Variants in DEK observed in about 807,000 individuals in gnomAD.
The protein encoded by DEK is protein DEK.
A neutral mutation model predicts 46.8 loss-of-function variants in DEK; 28 were observed. The ratio of observed to expected loss-of-function variants is 0.60; its 90% CI spans 0.44 to 0.82. The LOEUF is 0.82. Among genes scored for constraint, DEK ranks in the 40% least tolerant of loss-of-function variants. DEK has a pLI of 0.00. For synonymous variants in DEK, 160 were observed against 144.5 expected, an observed-to-expected ratio of 1.11 and a Z score of -0.77; for missense variants, 416 against 430.6, an observed-to-expected ratio of 0.97 and a Z score of 0.30.
rs56704006 is a variant in DEK at position 18,259,394 on chromosome 6, C to CA, written c.146-990dup. 2.8e-3 allele frequency among the ~76,000 whole-genome samples: 117 copies of CA among 41,480 alleles called. 12 individuals carry two copies. Among genetic ancestry groups the CA allele is most frequent in the Non-Finnish European group, 4.4e-3 (85 of 19,172 alleles). The allele number at this position is 41,480 out of a possible 152,430, so 27.2% of individuals were successfully genotyped here. Reference sequence around the variant, plus strand: ...TGGGCGACACAGCAAGACTCCGTCTCAAAAAAAAAAAAAAAAAAAAAAAAA... The same window carrying CA: ...TGGGCGACACAGCAAGACTCCGTCTCAAAAAAAAAAAAAAAAAAAAAAAAAA... On this transcript the variant is annotated intron_variant, in intron 2 of 10. Transcript: ENST00000652689.
intron 7 of DEK, among the ~76,000 whole-genome samples, chr6:18,243,324 A>AT (rs5874630): frequency 0.29 from 44,038 of 149,742 alleles, 7,246 homozygotes; most frequent in African/African-American, 0.44. Context: ...GACGTGTCTC[A>AT]TTTTTTTTTT....
intron 9 of DEK, among the ~76,000 whole-genome samples, chr6:18,232,086 T>A (rs1231093815): frequency 3.9e-5 from 6 of 152,166 alleles, no homozygotes; most frequent in Admixed American, 3.3e-4. Context: ...ACGTAATCCA[T>A]CATATAAACA....
intron 9 of DEK, among the ~76,000 whole-genome samples, chr6:18,228,586 C>G (rs536410258): frequency 1.8e-4 from 28 of 152,312 alleles, no homozygotes; most frequent in South Asian, 4.1e-4. Context: ...ATCGCCTCAC[C>G]TGGGAAGCGC....
Position 18,256,352 on chromosome 6 carries a change from A to T in DEK, c.452+9T>A, listed in dbSNP as rs557087296. Reference sequence around the variant, plus strand: ...TGATCAAAATACAGTATTTATAAAAATAACTTACTTTTTCAACATTTCTTC... The same window carrying T: ...TGATCAAAATACAGTATTTATAAAATTAACTTACTTTTTCAACATTTCTTC... On this transcript the variant is annotated intron_variant, in intron 5 of 10. Transcript: ENST00000652689. 2.5e-6 allele frequency: 4 copies of T among 1,596,750 alleles called. No homozygotes were observed. In the East Asian group the frequency reaches 9.0e-5, roughly 36 times the overall value.
chr6:18,228,975 A>G (rs1447217741), intron 9 of DEK, among the ~76,000 whole-genome samples: 1 of 152,180 alleles, frequency 6.6e-6, no homozygotes, highest in Non-Finnish European at 1.5e-5. Context: ...CTGTCCCCTG[A>G]GTGGCCTAAC....
chr6:18,237,179 C>A, intron 8 of DEK: 1 of 453,890 alleles, frequency 2.2e-6, no homozygotes, highest in Non-Finnish European at 3.6e-6. Context: ...CTCTCTGTCT[C>A]TCTCTCTATA....
At chr6:18,251,679 T>C (rs1343366674) in intron 6 of DEK, among the ~76,000 whole-genome samples, 2 of 152,224 alleles carry the variant, frequency 1.3e-5, no homozygotes, top group Non-Finnish European at 2.9e-5. Flanking sequence ...ATAAATTCTT[T>C]GATAGCACCG....
intron 4 of DEK, among the ~76,000 whole-genome samples, chr6:18,256,824 T>C (rs749709893): frequency 6.6e-6 from 1 of 152,202 alleles, no homozygotes; most frequent in Non-Finnish European, 1.5e-5. Flanking sequence ...AAGTTACTAG[T>C]AATTCTTCTT....
At chr6:18,257,906 A>C in intron 4 of DEK, 47 bp downstream of exon 4, 1 of 1,364,134 alleles carries the variant, frequency 7.3e-7, no homozygotes, top group Non-Finnish European at 1.0e-6. Flanking sequence ...AATTGATTCC[A>C]TTGTGAAGTA....
At chr6:18,255,961 A>G (rs887219872) in intron 5 of DEK, 110 bp from the exon 6 acceptor site, 1 of 1,265,754 alleles carries the variant, frequency 7.9e-7, no homozygotes, top group African/African-American at 1.5e-5. Context: ...ATACATTTAA[A>G]AAAGTGGCCA....
intron 7 of DEK, among the ~76,000 whole-genome samples, chr6:18,238,185 C>T (rs1790747321): frequency 6.6e-6 from 1 of 151,928 alleles, no homozygotes. Context: ...CTTGTGTTCA[C>T]TGATGTTTCC....
intron 7 of DEK, among the ~76,000 whole-genome samples, chr6:18,244,169 T>A (rs548365273): frequency 6.6e-6 from 1 of 152,058 alleles, no homozygotes; most frequent in Non-Finnish European, 1.5e-5. Context: ...TTAGGTTAAG[T>A]TTTTTTAAAA....
At chr6:18,250,468 C>T (rs1791322055) in intron 6 of DEK, among the ~76,000 whole-genome samples, 1 of 145,282 alleles carries the variant, frequency 6.9e-6, no homozygotes, top group Non-Finnish European at 1.5e-5. Context: ...GACTCCGTCT[C>T]AAAAAAACAC....
rs1468036254 is a variant in DEK, at chr6:18,224,039, G to T, written c.*1680C>A. ...TTTGTGAAGTCACTCCAAGAAAATGGTCCATTACCACAAAAGAGTATTCCA... is the reference window on the plus strand; with the variant it reads ...TTTGTGAAGTCACTCCAAGAAAATGTTCCATTACCACAAAAGAGTATTCCA... On this transcript the variant is annotated 3_prime_UTR_variant, in exon 11 of 11. Coordinates refer to ENST00000652689, the MANE Select transcript of DEK (RefSeq NM_003472.4). 5.1e-5 allele frequency: 8 copies of T among 156,598 alleles called. No homozygotes were observed. The East Asian group carries it at 1.0e-3, about 20-fold the overall frequency. 9.7% of individuals were successfully genotyped at this position (156,598 alleles called of 1,614,324 possible).
intron 9 of DEK, 23 bp downstream of exon 9, chr6:18,236,429 A>C (rs201860723): frequency 1.9e-6 from 3 of 1,603,050 alleles, no homozygotes; most frequent in East Asian, 4.5e-5. Context: ...AAAGCAAAAT[A>C]ATCTAAACAT....
In DEK at chr6:18,236,634, C is replaced by T. The variant is rs750768266; in HGVS notation, c.899-34G>A. 3 of 1,320,934 alleles carry T rather than the reference C, an allele frequency of 2.3e-6. No individual in the cohort carries two copies. In the African/African-American group the frequency reaches 4.7e-5, roughly 21 times the overall value. The allele number at this position is 1,320,934 out of a possible 1,614,324, so 81.8% of individuals were successfully genotyped here. Reference sequence around the variant, plus strand: ...AATATAATAATAATAATTTTTCTTACATAGTAAATTAACATTTAACAAAGG... The same window carrying T: ...AATATAATAATAATAATTTTTCTTATATAGTAAATTAACATTTAACAAAGG... On this transcript the variant is annotated intron_variant, in intron 8 of 10. Transcript: ENST00000652689.
intron 2 of DEK, among the ~76,000 whole-genome samples, chr6:18,259,887 T>G (rs976183354): frequency 6.6e-6 from 1 of 152,212 alleles, no homozygotes; most frequent in Non-Finnish European, 1.5e-5. Context: ...CTGGCCATGT[T>G]GTACAGAATG....
In DEK at chr6:18,237,443, C is replaced by T; in HGVS notation, c.836G>A (p.Ser279Asn). The T allele has an allele frequency of 1.2e-6, 2 of 1,611,298 alleles. No homozygotes were observed. Among genetic ancestry groups the T allele is most frequent in the South Asian group, 1.1e-5 (1 of 90,602 alleles). ...ATSKSKKSVK[S>N]ANVKKADSST... ...GCTATCTGCTTTCTTAACATTGGCA[C>T]TTTTCACAGATTTTTTACTTTTAGA... Residue 279 changes from serine to asparagine, a missense_variant, in exon 8 of 11, where the codon AGT becomes AAT. Physicochemically the swap from Ser to Asn is conservative, Grantham distance 46. Coordinates refer to ENST00000652689, the MANE Select transcript of DEK (RefSeq NM_003472.4).
intron 9 of DEK, among the ~76,000 whole-genome samples, chr6:18,232,287 C>T (rs944236239): frequency 6.6e-6 from 1 of 152,168 alleles, no homozygotes; most frequent in African/African-American, 2.4e-5. Flanking sequence ...GAATCATTCC[C>T]TTTGAAAACT....
Sources: gnomAD v4.1 joint callset for allele counts (sites outside exome capture counted in the v4.1 genomes callset) on GRCh38, gnomAD v4.1.1 for gene constraint, MANE v1.5 for transcripts, NCBI Gene and HGNC (gene_info 2026-07-23, HGNC 2026-07-21) for gene names.